The following SCAND1 variants were observed in gnomAD, a reference collection of about 807,000 sequenced individuals.
The protein encoded by SCAND1 is SCAN domain containing 1.
A neutral mutation model predicts 3.4 loss-of-function variants in SCAND1; 3 were observed. That is an observed-to-expected ratio of 0.87 (90% confidence interval 0.40 to 2.25). The LOEUF (loss-of-function observed/expected upper bound fraction) is 2.25. SCAND1 is among the 30% of genes most tolerant of loss of function. SCAND1 has a pLI of 0.05. For synonymous variants in SCAND1, 152 were observed against 120.5 expected (o/e 1.26, Z -1.72); for missense variants, 303 against 258.8 (o/e 1.17, Z -1.17).
chr20:35,957,734 G>A (rs1330884976), upstream of SCAND1: 1 of 152,202 alleles, frequency 6.6e-6, no homozygotes, highest in African/African-American at 2.4e-5. Context: ...GAGAAACCAA[G>A]ATGTCAGAAG....
chr20:35,954,641 C>T (rs978937066), upstream of SCAND1: 6 of 1,292,468 alleles, frequency 4.6e-6, no homozygotes, highest in South Asian at 1.5e-5. Context: ...GGGCTCCTTC[C>T]GAATGGTGGC....
At chr20:35,956,068 C>T (rs547744242), upstream of SCAND1, among the ~76,000 whole-genome samples, 1 of 152,320 alleles carries the variant, frequency 6.6e-6, no homozygotes, top group Admixed American at 6.5e-5. Context: ...AACTGAGGCC[C>T]TCAAAGGACA....
chr20:35,958,128 C>A (rs1403142063), upstream of SCAND1, among the ~76,000 whole-genome samples: 2 of 152,120 alleles, frequency 1.3e-5, no homozygotes, highest in Non-Finnish European at 2.9e-5. Context: ...CTGGAGAATA[C>A]GTCTTTTAAA....
Position 35,953,753 on chromosome 20 carries a change from T to C in SCAND1, c.532A>G (p.Thr178Ala). The C allele has an allele frequency of 6.9e-7, 1 of 1,457,384 alleles. No individual in the cohort carries two copies. Among genetic ancestry groups the C allele is most frequent in the Non-Finnish European group, 9.0e-7 (1 of 1,108,242 alleles). 90.3% of individuals were successfully genotyped at this position (1,457,384 alleles called of 1,614,324 possible). A position where few individuals can be genotyped will look rare whatever the true frequency, so the allele number is the denominator to read the frequency against. Reference protein sequence around the residue: ...RIRRRTDVRITG With the variant: ...RIRRRTDVRIAG The stretch of plus-strand genomic sequence containing the variant: ...GCCCGCAGCTCCACCGCTCAGCCAG[T>C]GATGCGCACATCCGTGCGGCGGCGG... Residue 178 changes from threonine (T) to alanine (A), a missense_variant, in exon 2 of 2, where the codon ACT (threonine) becomes GCT (alanine). Thr to Ala is a moderately conservative substitution (Grantham distance 58). Transcript: ENST00000305978.
At position 35,953,795 on chromosome 20, in the gene SCAND1, C is replaced by T. The variant is rs888045270; in HGVS notation, c.490G>A (p.Ala164Thr). Residue 164 changes from alanine to threonine, a missense_variant, in exon 2 of 2, where the codon GCT (alanine) becomes ACT (threonine). Ala to Thr is a moderately conservative substitution (Grantham distance 58). Coordinates refer to ENST00000305978, the MANE Select transcript of SCAND1 (RefSeq NM_033630.3). ...CGGCGGCGGATCCGCCGGGCCCGAG[C>T]CGCCTCGGGCAGGATGGCGAGCAGC... is the stretch of plus-strand genomic sequence containing the variant. ...EQLLAILPEA[A>T]RARRIRRRTD... The T allele has an allele frequency of 3.3e-6, 5 of 1,518,152 alleles. No individual in the cohort carries two copies. Among genetic ancestry groups the T allele is most frequent in the Admixed American group, 4.0e-5 (2 of 49,612 alleles). The allele number at this position is 1,518,152 out of a possible 1,614,324, so 94.0% of individuals were successfully genotyped here. A position where few individuals can be genotyped will look rare whatever the true frequency, so the allele number is the denominator to read the frequency against.
chr20:35,954,986 T>G (rs1378003558), upstream of SCAND1: 2 of 190,606 alleles, frequency 1.0e-5, no homozygotes, highest in South Asian at 9.8e-5. Context: ...CCGGCCTTAC[T>G]GCGACGATGA....
upstream of SCAND1, chr20:35,955,490 T>C (rs1167638557): frequency 6.6e-6 from 1 of 152,212 alleles, no homozygotes; most frequent in Non-Finnish European, 1.5e-5. Context: ...CTTGGTGGAA[T>C]CCCCTTTGAC....
chr20:35,959,316 GAT>G (rs1371807762), upstream of SCAND1: 1 of 143,262 alleles, frequency 7.0e-6, no homozygotes, highest in East Asian at 2.0e-4. Context: ...CACAGGCATT[GAT>G]ATTATTATTA....
In SCAND1 at chr20:35,954,126, G is replaced by C. The variant is rs760699057; in HGVS notation, c.159C>G (p.Pro53=). The C allele has an allele frequency of 1.3e-6, 2 of 1,555,170 alleles. No individual in the cohort carries two copies. The highest frequency in any genetic ancestry group is 1.7e-6 in the Non-Finnish European group (2 of 1,148,312). Residue 53 remains proline, a synonymous_variant, in exon 2 of 2, where the codon CCC becomes CCG. Coordinates refer to ENST00000305978, the MANE Select transcript of SCAND1 (RefSeq NM_033630.3). The part of the protein sequence containing the change: ...ASPPAPEPSS[P]NAAVPEAIPT... ...GGATGGCTTCAGGGACCGCGGCGTT[G>C]GGACTGGAAGGCTCAGGGGCAGGCG... is the stretch of plus-strand genomic sequence containing the variant.
chr20:35,955,585 T>A (rs1376974758), upstream of SCAND1, among the ~76,000 whole-genome samples: 1 of 152,172 alleles, frequency 6.6e-6, no homozygotes, highest in African/African-American at 2.4e-5. Flanking sequence ...CTCTTGTTTT[T>A]ATTAGGTAAA....
chr20:35,957,149 G>A (rs1308414684), upstream of SCAND1, among the ~76,000 whole-genome samples: 1 of 152,182 alleles, frequency 6.6e-6, no homozygotes, highest in Non-Finnish European at 1.5e-5. Flanking sequence ...GGACCTGAGA[G>A]ATCTATTAGA....
upstream of SCAND1, chr20:35,954,706 A>T: frequency 5.8e-6 from 6 of 1,042,610 alleles, no homozygotes; most frequent in Non-Finnish European, 7.6e-6. Context: ...ATGTTTGGAG[A>T]TAGACTTCAA....
At chr20:35,954,924 GGCCC>G (rs1381865595), upstream of SCAND1, 112 of 243,792 alleles carry the variant, frequency 4.6e-4, 1 homozygote, top group South Asian at 5.0e-3. Context: ...TCTCGGGAGG[GGCCC>G]ATCTGGAGAA....
chr20:35,955,935 G>A (rs2056252189), upstream of SCAND1, among the ~76,000 whole-genome samples: 1 of 152,118 alleles, frequency 6.6e-6, no homozygotes, highest in South Asian at 2.1e-4. Context: ...TGGCCAGACT[G>A]GTCTCGAACT....
At position 35,954,202 on chromosome 20, in the gene SCAND1, C is replaced by A; in HGVS notation, c.83G>T (p.Ser28Ile). 1 of 1,612,258 alleles carries A rather than the reference C, an allele frequency of 6.2e-7. No homozygotes were observed. The highest frequency in any genetic ancestry group is 2.2e-5 in the East Asian group (1 of 44,852). Residue 28 changes from serine to isoleucine, a missense_variant, in exon 2 of 2, where the codon AGC becomes ATC. Physicochemically the swap from Ser to Ile is moderately radical, Grantham distance 142. Coordinates refer to ENST00000305978, the MANE Select transcript of SCAND1 (RefSeq NM_033630.3). Reference sequence around the variant, plus strand: ...CACACAGTTACGCTCAGGGGCTGAGCTCGAACCGGCTCCTTCCAGTTTCTC... The same window carrying A: ...CACACAGTTACGCTCAGGGGCTGAGATCGAACCGGCTCCTTCCAGTTTCTC... ...PPEKLEGAGS[S>I]SAPERNCVGS...
Position 35,953,861 on chromosome 20 carries a change from G to C in SCAND1, c.424C>G (p.Arg142Gly). 1 of 1,591,998 alleles carries C rather than the reference G, an allele frequency of 6.3e-7. No individual in the cohort carries two copies. The highest frequency in any genetic ancestry group is 1.1e-5 in the South Asian group (1 of 88,916). Reference sequence around the variant, plus strand: ...ATCTCCACGATCTGCTCCTTGGTGCGGATGTCAGGCCGCAGCCACTGGCGG... The same window carrying C: ...ATCTCCACGATCTGCTCCTTGGTGCCGATGTCAGGCCGCAGCCACTGGCGG... The part of the protein sequence containing the change: ...LSRQWLRPDI[R>G]TKEQIVEMLV... The change falls in exon 2 of 2, where the codon CGC (arginine) becomes GGC (glycine). Residue 142 changes from arginine (R) to glycine (G), a missense_variant. Transcript: ENST00000305978.
At chr20:35,955,387 A>C (rs368962254), upstream of SCAND1, 4 of 152,330 alleles carry the variant, frequency 2.6e-5, no homozygotes, top group African/African-American at 9.6e-5. Flanking sequence ...TTTACTTTTT[A>C]AATGCAGCTT....
upstream of SCAND1, among the ~76,000 whole-genome samples, chr20:35,959,224 G>A (rs186516110): frequency 2.0e-5 from 3 of 152,218 alleles, no homozygotes; most frequent in African/African-American, 7.2e-5. Context: ...TATATACTTC[G>A]TCATTTTTTT....
rs1451207070 is a variant in SCAND1 at position 35,953,943 on chromosome 20, G to A, written c.342C>T (p.Phe114=). 2.5e-6 allele frequency: 4 copies of A among 1,579,292 alleles called. No individual in the cohort carries two copies. The highest frequency in any genetic ancestry group is 2.7e-5 in the African/African-American group (2 of 74,062). The change falls in exon 2 of 2, where the codon TTC becomes TTT. Residue 114 remains phenylalanine, a synonymous_variant. Transcript: ENST00000305978. ...PETFRQRFRQ[F]RYQDAAGPRE... ...GGGGACCCGCCGCATCCTGGTAGCG[G>A]AACTGCCGGAAACGCTGGCGGAACG...
Sources: allele counts gnomAD v4.1 joint callset (sites outside exome capture counted in the v4.1 genomes callset), GRCh38; gene constraint gnomAD v4.1.1; transcripts MANE v1.5; gene names NCBI Gene and HGNC (gene_info 2026-07-23, HGNC 2026-07-21).